PITPNM3: variants seen among roughly 807,000 people sequenced by gnomAD.
PITPNM3 encodes PITPNM family member 3, also known as membrane-associated phosphatidylinositol transfer protein 3.
PITPNM3 carries 26 observed loss-of-function variants against 102.0 expected under a neutral mutation model. The ratio of observed to expected loss-of-function variants is 0.25; its 90% CI spans 0.19 to 0.35. The LOEUF (loss-of-function observed/expected upper bound fraction) is 0.35, where lower values mean the gene tolerates loss of function less well. Ranked by LOEUF, PITPNM3 falls within the 10% of genes least tolerant of loss-of-function variation. The probability of loss-of-function intolerance (pLI) is 1.00; values close to 1 mark genes in which losing one functional copy is unlikely to be tolerated. For missense variants in PITPNM3, 1,083 were observed against 1,346.1 expected (o/e 0.80, Z 3.06); for synonymous variants, 578 against 558.6 (o/e 1.03, Z -0.49).
At position 6,458,383 on chromosome 17, in the gene PITPNM3, C is replaced by T. The variant is rs569283503; in HGVS notation, c.2491-661G>A. On this transcript the variant is annotated intron_variant, in intron 18 of 19. Transcript: ENST00000262483. This position sits in a 1 kb window ranked among gnomAD's most constrained non-coding sequence, Gnocchi z 5.1. ...TTCTTTTTCTCCCACTCACACTCCT[C>T]TCAAGCCATTGGAGACTTTGGTCCT... 9.2e-5 allele frequency among the ~76,000 whole-genome samples: 14 copies of T among 152,302 alleles called. No individual in the cohort carries two copies. In the South Asian group the frequency reaches 2.9e-3, roughly 32 times the overall value.
rs1007223845 is a variant in PITPNM3, at chr17:6,472,833, G to A, written c.1259-6C>T. Reference sequence around the variant, plus strand: ...GGCAGGACGCACCTGGAAGCCTGGGGTGAGTGGGAAGACAGAGGGAAGCCA... The same window carrying A: ...GGCAGGACGCACCTGGAAGCCTGGGATGAGTGGGAAGACAGAGGGAAGCCA... On this transcript the variant is annotated splice_polypyrimidine_tract_variant and splice_region_variant and intron_variant, in intron 10 of 19. Coordinates refer to ENST00000262483, the MANE Select transcript of PITPNM3 (RefSeq NM_031220.4). The surrounding 1 kb of genome is among the most constrained non-coding windows in gnomAD (Gnocchi z 4.1). The A allele has an allele frequency of 6.2e-7, 1 of 1,613,962 alleles. No homozygotes were observed. The highest frequency in any genetic ancestry group is 1.3e-5 in the African/African-American group (1 of 75,058).
At chr17:6,538,129 A>T (rs1464165136) in intron 1 of PITPNM3, 47 bp from the exon 2 acceptor site, 8 of 1,438,036 alleles carry the variant, frequency 5.6e-6, no homozygotes, top group Admixed American at 3.4e-5. Flanking sequence ...ATGTTGTCCC[A>T]GTATGAGGGA....
At chr17:6,471,983 C>T (rs1905098672) in intron 11 of PITPNM3, among the ~76,000 whole-genome samples, 1 of 152,182 alleles carries the variant, frequency 6.6e-6, no homozygotes, top group Non-Finnish European at 1.5e-5. Flanking sequence ...ATGCACAACT[C>T]CCCCATCCCT....
chr17:6,464,451 A>T (rs935568456), intron 15 of PITPNM3, 133 bp from the exon 16 acceptor site: 2 of 1,155,716 alleles, frequency 1.7e-6, no homozygotes, highest in Non-Finnish European at 1.3e-6. Flanking sequence ...CTGGCTCCTC[A>T]TTTGTCCTTG....
intron 1 of PITPNM3, among the ~76,000 whole-genome samples, chr17:6,545,407 A>G (rs1909969574): frequency 6.6e-6 from 1 of 151,954 alleles, no homozygotes; most frequent in Non-Finnish European, 1.5e-5. Flanking sequence ...CCACTCCCCA[A>G]AGGCTGGAAA....
chr17:6,473,979 A>C (rs1319108635), intron 10 of PITPNM3, among the ~76,000 whole-genome samples: 92 of 45,444 alleles, frequency 2.0e-3, no homozygotes, highest in African/African-American at 0.011. Context: ...TCCATCTCAA[A>C]AAAAAAAAAA....
intron 3 of PITPNM3, among the ~76,000 whole-genome samples, chr17:6,504,104 T>C (rs931417532): frequency 2.0e-5 from 3 of 152,156 alleles, no homozygotes; most frequent in Admixed American, 2.0e-4. Flanking sequence ...TCCCAAAATG[T>C]GTCTGTGGCT....
At chr17:6,463,609 C>T (rs1904605969) in intron 17 of PITPNM3, 123 bp downstream of exon 17, 3 of 1,379,360 alleles carry the variant, frequency 2.2e-6, no homozygotes, top group Admixed American at 2.1e-5. Flanking sequence ...CAGGGCTTCT[C>T]AGCTCGCAGC....
At position 6,455,267 on chromosome 17, in the gene PITPNM3, G is replaced by T; in HGVS notation, c.*71C>A. 1 of 1,493,366 alleles carries T rather than the reference G, an allele frequency of 6.7e-7. No individual in the cohort carries two copies. The allele number at this position is 1,493,366 out of a possible 1,614,324, so 92.5% of individuals were successfully genotyped here. On this transcript the variant is annotated 3_prime_UTR_variant, in exon 20 of 20. Transcript: ENST00000262483. ...GGAAAACGCCTGTGTCGGGGAGAGG[G>T]CAGCCCCCTCCCGTCCCCGCAGGCA...
intron 1 of PITPNM3, among the ~76,000 whole-genome samples, chr17:6,544,198 T>A (rs1337846009): frequency 6.6e-6 from 1 of 152,178 alleles, no homozygotes; most frequent in East Asian, 1.9e-4. Flanking sequence ...AGCCTGCCAA[T>A]GCTGGATGGA....
chr17:6,530,202 T>C (rs1351195428), intron 2 of PITPNM3, among the ~76,000 whole-genome samples: 1 of 152,192 alleles, frequency 6.6e-6, no homozygotes, highest in East Asian at 1.9e-4. Flanking sequence ...ACATATCATT[T>C]TCTTCTGTTC....
At chr17:6,513,367 C>G (rs997226014) in intron 3 of PITPNM3, among the ~76,000 whole-genome samples, 2 of 152,088 alleles carry the variant, frequency 1.3e-5, no homozygotes, top group African/African-American at 4.8e-5. Context: ...GTAAAACTAC[C>G]TATTCAAAGA....
intron 1 of PITPNM3, among the ~76,000 whole-genome samples, chr17:6,545,029 C>T (rs949212783): frequency 6.6e-6 from 1 of 152,162 alleles, no homozygotes; most frequent in Non-Finnish European, 1.5e-5. Flanking sequence ...CCCGCCTCCT[C>T]CGTGCCTCCT....
In PITPNM3 at chr17:6,482,058, C is replaced by G. The variant is rs1239079328; in HGVS notation, c.587+1459G>C. Among the ~76,000 whole-genome samples the G allele has an allele frequency of 4.0e-4, 45 of 111,914 alleles. 1 individual carries two copies. The highest frequency in any genetic ancestry group is 5.7e-4 in the Admixed American group (6 of 10,572). 73.4% of individuals were successfully genotyped at this position (111,914 alleles called of 152,430 possible). On this transcript the variant is annotated intron_variant, in intron 6 of 19. Coordinates refer to ENST00000262483, the MANE Select transcript of PITPNM3 (RefSeq NM_031220.4). ...TCTGTCTGTCTCTCTCTCTCTCTCTCTCTCTCTGTCTCTCTCTCTCTCTCT... is the reference window on the plus strand; with the variant it reads ...TCTGTCTGTCTCTCTCTCTCTCTCTGTCTCTCTGTCTCTCTCTCTCTCTCT...
chr17:6,508,880 G>A (rs372071306), intron 3 of PITPNM3, among the ~76,000 whole-genome samples: 23 of 152,118 alleles, frequency 1.5e-4, no homozygotes, highest in African/African-American at 4.8e-4. Context: ...GGGAGGAGCC[G>A]GCTTGAACCT....
At chr17:6,466,626 T>A (rs146562166) in intron 14 of PITPNM3, among the ~76,000 whole-genome samples, 81 of 152,226 alleles carry the variant, frequency 5.3e-4, no homozygotes, top group African/African-American at 1.6e-3. Context: ...GAAATCAGAA[T>A]CCTCATACAT....
rs767382549 is a variant in PITPNM3 at position 6,474,539 on chromosome 17, T to C, written c.1151A>G (p.Glu384Gly). ...TPAAGGPQLP[E>G]VSLGRFDFDV... Reference sequence around the variant, plus strand: ...GAAGTCAAAGCGGCCCAGGCTGACCTCAGGGAGCTGCGGCCCCCCAGCCGC... The same window carrying C: ...GAAGTCAAAGCGGCCCAGGCTGACCCCAGGGAGCTGCGGCCCCCCAGCCGC... Residue 384 changes from glutamate (E) to glycine (G), a missense_variant, in exon 10 of 20, where the codon GAG becomes GGG. This residue lies in a region of PITPNM3 where 172 missense variants were observed against 175.6 expected (regional missense o/e 0.98). Transcript: ENST00000262483. The C allele has an allele frequency of 4.4e-6, 7 of 1,608,986 alleles. No individual in the cohort carries two copies. In the East Asian group the frequency reaches 6.7e-5, roughly 15 times the overall value.
chr17:6,493,679 A>G (rs562535248), intron 4 of PITPNM3, among the ~76,000 whole-genome samples: 4 of 152,164 alleles, frequency 2.6e-5, no homozygotes, highest in Non-Finnish European at 4.4e-5. Flanking sequence ...GAATCTAATC[A>G]CGTCCACCTG....
rs1421138161 is a variant in PITPNM3 at position 6,469,199 on chromosome 17, T to C, written c.1774-858A>G. ...CCAGTTGTAAATGCCGTCCAAGCTC[T>C]GATGACACCCACATTTTTATCTGGA... On this transcript the variant is annotated intron_variant, in intron 13 of 19. Transcript: ENST00000262483. The surrounding 1 kb of genome is among the most constrained non-coding windows in gnomAD (Gnocchi z 4.0). Among the ~76,000 whole-genome samples, 1 of 152,206 alleles carries C rather than the reference T, an allele frequency of 6.6e-6. No individual in the cohort carries two copies. Among genetic ancestry groups the C allele is most frequent in the Non-Finnish European group, 1.5e-5 (1 of 68,032 alleles).
Sources: gnomAD v4.1 joint callset for allele counts (sites outside exome capture counted in the v4.1 genomes callset) on GRCh38, gnomAD v4.1.1 for gene constraint, gnomAD v4.1.1 regional missense constraint, Gnocchi (gnomAD v3.1) non-coding constraint, MANE v1.5 for transcripts, NCBI Gene and HGNC (gene_info 2026-07-23, HGNC 2026-07-21) for gene names.